The following MATN4 variants were observed in gnomAD, a reference collection of about 807,000 sequenced individuals.
MATN4 encodes matrilin-4.
Under a neutral mutation model 54.6 loss-of-function variants are expected in MATN4, and 40 were observed. The observed-to-expected ratio is 0.73, with a 90% CI of 0.57 to 0.95. The LOEUF is 0.95. Among genes scored for constraint, MATN4 ranks in the 40% least tolerant of loss-of-function variants. MATN4 has a pLI of 0.00. For missense variants in MATN4, 810 were observed against 819.1 expected (o/e 0.99, Z 0.13); for synonymous variants, 351 against 345.3 (o/e 1.02, Z -0.18).
Position 45,298,834 on chromosome 20 carries a change from C to CT in MATN4, c.1013-252dup, listed in dbSNP as rs1403004166. ...GAACAAACCACTCTGCTAAAAGCAT[C>CT]TTTTTTTAACAACAATCATAGTAAT... On this transcript the variant is annotated intron_variant, in intron 6 of 9. Coordinates refer to ENST00000372756, the MANE Select transcript of MATN4 (RefSeq NM_001393530.1). The surrounding 1 kb of genome is among the most constrained non-coding windows in gnomAD (Gnocchi z 4.6). 6.6e-5 allele frequency among the ~76,000 whole-genome samples: 10 copies of CT among 152,154 alleles called. No homozygotes were observed. The highest frequency in any genetic ancestry group is 1.2e-4 in the African/African-American group (5 of 41,418).
Position 45,293,716 on chromosome 20 carries a change from G to T in MATN4, c.*51C>A, listed in dbSNP as rs770784610. The T allele has an allele frequency of 1.6e-5, 25 of 1,521,378 alleles. No homozygotes were observed. The highest frequency in any genetic ancestry group is 2.8e-5 in the African/African-American group (2 of 72,566). The allele number at this position is 1,521,378 out of a possible 1,614,324, so 94.2% of individuals were successfully genotyped here. On this transcript the variant is annotated 3_prime_UTR_variant, in exon 10 of 10. Transcript: ENST00000372756. ...CCGGCGCACCGATGGCGCGCAAGGG[G>T]CACCGTCCGTGGTGCCGCGCCCCAG...
Position 45,308,239 on chromosome 20 carries a change from G to A in MATN4, c.-99C>T, listed in dbSNP as rs1426690927. On this transcript the variant is annotated 5_prime_UTR_variant, in exon 1 of 10. Coordinates refer to ENST00000372756, the MANE Select transcript of MATN4 (RefSeq NM_001393530.1). ...GAAGCCGACAGGCGGAGCCTCCCGG[G>A]CACTTGGACCAGGTAACGGCGGCGT... is the stretch of plus-strand genomic sequence containing the variant. 1.2e-6 allele frequency: 2 copies of A among 1,612,676 alleles called. No individual in the cohort carries two copies. The highest frequency in any genetic ancestry group is 2.2e-5 in the South Asian group (2 of 91,062).
intron 6 of MATN4, among the ~76,000 whole-genome samples, chr20:45,299,720 A>C (rs1204855005): frequency 6.6e-6 from 1 of 151,900 alleles, no homozygotes; most frequent in African/African-American, 2.4e-5. Context: ...TCCACTAAAA[A>C]TACAAAAATT....
chr20:45,293,753 G>A lies in MATN4; in HGVS notation c.*14C>T, dbSNP rs750783065. On this transcript the variant is annotated 3_prime_UTR_variant, in exon 10 of 10. Transcript: ENST00000372756. ...GTGCCGCGCCCCAGCCCGGGTCTGG[G>A]CCGTCCGTGGCCCTCACTTCTGGTT... is the stretch of plus-strand genomic sequence containing the variant. The A allele has an allele frequency of 6.2e-7, 1 of 1,601,344 alleles. No individual in the cohort carries two copies. The highest frequency in any genetic ancestry group is 8.5e-7 in the Non-Finnish European group (1 of 1,177,866).
At position 45,293,835 on chromosome 20, in the gene MATN4, T is replaced by G; in HGVS notation, c.1688-10A>C. 1 of 1,611,364 alleles carries G rather than the reference T, an allele frequency of 6.2e-7. No individual in the cohort carries two copies. Among genetic ancestry groups the G allele is most frequent in the Admixed American group, 1.7e-5 (1 of 60,018 alleles). ...GCCGTCAGCTGGGCCAGTGAGCGGT[T>G]AAGGAGGCCGTTGGGGTTCGCCGAG... On this transcript the variant is annotated splice_polypyrimidine_tract_variant and intron_variant, in intron 9 of 9. Coordinates refer to ENST00000372756, the MANE Select transcript of MATN4 (RefSeq NM_001393530.1).
At chr20:45,301,867 A>G (rs1421807690) in intron 3 of MATN4, among the ~76,000 whole-genome samples, 2 of 151,924 alleles carry the variant, frequency 1.3e-5, no homozygotes, top group African/African-American at 2.4e-5. Context: ...AGGAAAGAAA[A>G]AAAAAAAAAA....
chr20:45,293,847 T>G, intron 9 of MATN4, 22 bp from the exon 10 acceptor site: 1 of 1,610,672 alleles, frequency 6.2e-7, no homozygotes, highest in Non-Finnish European at 8.5e-7. Context: ...AGGAGGCCGT[T>G]GGGGTTCGCC....
chr20:45,305,465 T>C (rs1986546713), intron 2 of MATN4, 45 bp downstream of exon 2: 1 of 1,466,966 alleles, frequency 6.8e-7, no homozygotes, highest in African/African-American at 1.4e-5. Context: ...GAGGACCTGC[T>C]TCCGCTCCCC....
At chr20:45,295,433 G>A (rs989707519) in intron 8 of MATN4, among the ~76,000 whole-genome samples, 2 of 152,188 alleles carry the variant, frequency 1.3e-5, no homozygotes, top group African/African-American at 2.4e-5. Flanking sequence ...TGTCTCCCAG[G>A]CTGGAGTGCA....
chr20:45,306,554 C>T (rs892078860), intron 1 of MATN4, among the ~76,000 whole-genome samples: 2 of 152,268 alleles, frequency 1.3e-5, no homozygotes, highest in African/African-American at 4.8e-5. Flanking sequence ...ACATGCACTG[C>T]CCAACCGCAG....
intron 6 of MATN4, 23 bp downstream of exon 6, chr20:45,300,864 A>G (rs1281906051): frequency 6.2e-7 from 1 of 1,611,026 alleles, no homozygotes; most frequent in East Asian, 2.2e-5. Flanking sequence ...AGCCAACAGA[A>G]CACCCTCCCG....
At position 45,304,810 on chromosome 20, in the gene MATN4, C is replaced by A; in HGVS notation, c.74-13G>T. The A allele has an allele frequency of 6.5e-7, 1 of 1,539,884 alleles. No homozygotes were observed. The highest frequency in any genetic ancestry group is 1.2e-5 in the South Asian group (1 of 83,132). On this transcript the variant is annotated splice_polypyrimidine_tract_variant and intron_variant, in intron 2 of 9. Coordinates refer to ENST00000372756, the MANE Select transcript of MATN4 (RefSeq NM_001393530.1). ...TGACACCTGGGACCTGCGGGGAGATCAGGGAGGACTCTCCTAGGTCAGCAA... is the reference window on the plus strand; with the variant it reads ...TGACACCTGGGACCTGCGGGGAGATAAGGGAGGACTCTCCTAGGTCAGCAA...
upstream of MATN4, chr20:45,308,322 G>A (rs951578889): frequency 7.7e-6 from 8 of 1,041,344 alleles, no homozygotes; most frequent in East Asian, 7.2e-5. Context: ...GGCAACGGCC[G>A]CATTTAACCC....
chr20:45,304,883 C>G (rs1023145293), intron 2 of MATN4, 86 bp from the exon 3 acceptor site: 17 of 824,920 alleles, frequency 2.1e-5, no homozygotes, highest in African/African-American at 3.5e-5. Context: ...GGAAATGCCG[C>G]TATGCCGACA....
At chr20:45,304,191 A>G (rs2145664920) in intron 3 of MATN4, 37 bp downstream of exon 3, 1 of 1,433,552 alleles carries the variant, frequency 7.0e-7, no homozygotes, top group Non-Finnish European at 9.2e-7. Flanking sequence ...ATTTGGATTG[A>G]GAGTTCGAGC....
chr20:45,297,065 C>T (rs1191090344), intron 8 of MATN4, among the ~76,000 whole-genome samples: 1 of 151,732 alleles, frequency 6.6e-6, no homozygotes, highest in Non-Finnish European at 1.5e-5. Context: ...CTCCTGATCT[C>T]AAGTGATCCA....
chr20:45,295,121 T>C (rs62205534), intron 8 of MATN4, among the ~76,000 whole-genome samples: 6,511 of 152,274 alleles, frequency 0.043, 174 homozygotes, highest in Non-Finnish European at 0.064. Flanking sequence ...AGAAATAAAG[T>C]GCACAATAAA....
At chr20:45,303,116 A>G (rs1315268998) in intron 3 of MATN4, among the ~76,000 whole-genome samples, 2 of 151,420 alleles carry the variant, frequency 1.3e-5, no homozygotes, top group Admixed American at 1.3e-4. Context: ...AGAGAGAGAA[A>G]AGAAAAGAAG....
rs752690774 is a variant in MATN4 at position 45,293,800 on chromosome 20, C to T, written c.1713G>A (p.Glu571=). Residue 571 remains glutamate (E), a synonymous_variant, in exon 10 of 10, where the codon GAG becomes GAA. Transcript: ENST00000372756. ...GGTTGGCCAGCTGGTTCTCCAGATC[C>T]TCCAGGCGCGCCGTCAGCTGGGCCA... ...LNLAQLTARL[E]DLENQLANQK The T allele has an allele frequency of 1.1e-5, 18 of 1,611,116 alleles. No individual in the cohort carries two copies. Among genetic ancestry groups the T allele is most frequent in the African/African-American group, 1.3e-5 (1 of 75,042 alleles).
Sources: gnomAD v4.1 joint callset for allele counts (sites outside exome capture counted in the v4.1 genomes callset) on GRCh38, gnomAD v4.1.1 for gene constraint, Gnocchi (gnomAD v3.1) non-coding constraint, MANE v1.5 for transcripts, NCBI Gene and HGNC (gene_info 2026-07-23, HGNC 2026-07-21) for gene names.